The following ZMYM2 variants were observed in gnomAD, a reference collection of about 807,000 sequenced individuals.
The protein encoded by ZMYM2 is zinc finger MYM-type protein 2.
Under a neutral mutation model 162.8 loss-of-function variants are expected in ZMYM2, and 56 were observed. The observed-to-expected ratio is 0.34, with a 90% CI of 0.28 to 0.43. The LOEUF (loss-of-function observed/expected upper bound fraction) is 0.43. ZMYM2 is among the 20% of genes least tolerant of loss of function. The probability of loss-of-function intolerance (pLI) is 1.00; values close to 1 mark genes in which losing one functional copy is unlikely to be tolerated. For missense variants in ZMYM2, 1,275 were observed against 1,621.8 expected (o/e 0.79, Z 3.67); for synonymous variants, 510 against 541.6 (o/e 0.94, Z 0.81).
At chr13:19,954,684 T>C (rs1954477136), upstream of ZMYM2, among the ~76,000 whole-genome samples, 2 of 152,338 alleles carry the variant, frequency 1.3e-5, no homozygotes, top group Middle Eastern at 3.4e-3. Flanking sequence ...TATTTTTGAA[T>C]CCTATGAGAA....
chr13:19,974,893 C>CTTGCTG (rs1213657128), intron 2 of ZMYM2, among the ~76,000 whole-genome samples: 10 of 152,200 alleles, frequency 6.6e-5, no homozygotes, highest in Non-Finnish European at 2.9e-5. Flanking sequence ...GAATAGGAGT[C>CTTGCTG]TTGCTGCATG....
At chr13:20,083,557 C>T (rs1958045663) in intron 23 of ZMYM2, 99 bp from the exon 24 acceptor site, 8 of 917,556 alleles carry the variant, frequency 8.7e-6, no homozygotes, top group Non-Finnish European at 9.6e-6. Context: ...CTCCAAGGGG[C>T]ACCTGGTCCT....
chr13:19,899,672 CG>C, the ZMYM2 span, among the ~76,000 whole-genome samples: 8 of 151,436 alleles, frequency 5.3e-5, no homozygotes, highest in African/African-American at 1.9e-4. Flanking sequence ...AAAAAATTAT[CG>C]GGGCATGGTG....
rs145295235 is a variant in ZMYM2 at position 20,014,355 on chromosome 13, A to T, written c.1513-5192A>T. 3.0e-3 allele frequency among the ~76,000 whole-genome samples: 455 copies of T among 152,274 alleles called. 4 individuals are homozygous for T. Among genetic ancestry groups the T allele is most frequent in the African/African-American group, 0.01 (434 of 41,556 alleles). On this transcript the variant is annotated intron_variant, in intron 6 of 24. Coordinates refer to ENST00000610343, the MANE Select transcript of ZMYM2 (RefSeq NM_197968.4). Reference sequence around the variant, plus strand: ...CCAAAATGTTGGGATTATAGGCATGATCCACTGCACCCGGCCAGGACATTT... The same window carrying T: ...CCAAAATGTTGGGATTATAGGCATGTTCCACTGCACCCGGCCAGGACATTT...
the ZMYM2 span, among the ~76,000 whole-genome samples, chr13:19,925,214 A>G: frequency 1.3e-5 from 2 of 152,304 alleles, no homozygotes; most frequent in South Asian, 2.1e-4. Context: ...TGTTTTCTAT[A>G]GTGGCTGTGC....
At chr13:19,959,393 T>C (rs1954921501) in intron 1 of ZMYM2, among the ~76,000 whole-genome samples, 1 of 152,064 alleles carries the variant, frequency 6.6e-6, no homozygotes, top group South Asian at 2.1e-4. Context: ...TCCTTCGCTC[T>C]TCTTTTCCTC....
chr13:19,975,143 T>G (rs1956671752), intron 2 of ZMYM2, among the ~76,000 whole-genome samples: 1 of 148,690 alleles, frequency 6.7e-6, no homozygotes, highest in African/African-American at 2.5e-5. Context: ...TTGTTTTTGG[T>G]ATTTTTTTCC....
the ZMYM2 span, among the ~76,000 whole-genome samples, chr13:19,885,234 A>C: frequency 6.6e-6 from 1 of 152,188 alleles, no homozygotes; most frequent in Non-Finnish European, 1.5e-5. Flanking sequence ...TGATTGTGCC[A>C]CTGCATTCCA....
chr13:19,968,898 G>A (rs1594072598), intron 2 of ZMYM2, among the ~76,000 whole-genome samples: 1 of 152,160 alleles, frequency 6.6e-6, no homozygotes, highest in African/African-American at 2.4e-5. Flanking sequence ...AGTTCAGAGA[G>A]GTAGTCATAT....
chr13:20,047,368 TC>T (rs1380878349), intron 12 of ZMYM2, among the ~76,000 whole-genome samples: 1 of 152,220 alleles, frequency 6.6e-6, no homozygotes, highest in African/African-American at 2.4e-5. Context: ...TTATGGTTTA[TC>T]TTTTTTTATT....
At chr13:20,004,286 G>A (rs1449848361) in intron 4 of ZMYM2, among the ~76,000 whole-genome samples, 1 of 151,762 alleles carries the variant, frequency 6.6e-6, no homozygotes, top group African/African-American at 2.4e-5. Context: ...ACGGATTCTC[G>A]CTCTGTCGCC....
chr13:19,884,178 G>A, the ZMYM2 span, among the ~76,000 whole-genome samples: 5 of 152,060 alleles, frequency 3.3e-5, no homozygotes, highest in African/African-American at 9.7e-5. Context: ...CAACAGCCAG[G>A]AAACCATACC....
intron 2 of ZMYM2, among the ~76,000 whole-genome samples, chr13:19,992,346 C>A (rs753889934): frequency 1.3e-5 from 2 of 152,038 alleles, no homozygotes; most frequent in South Asian, 4.1e-4. Flanking sequence ...ATCTCTTGAG[C>A]CTAGGAATTT....
At position 20,086,091 on chromosome 13, in the gene ZMYM2, T is replaced by A. The variant is rs983351714; in HGVS notation, c.*77T>A. On this transcript the variant is annotated 3_prime_UTR_variant, in exon 25 of 25. Transcript: ENST00000610343. ...TGCTAGATCTTTATTATGGAAAACA[T>A]TTCAAGTTTACTCCTTCTGTTTTGA... 1.4e-5 allele frequency: 20 copies of A among 1,449,592 alleles called. No homozygotes were observed. Among genetic ancestry groups the A allele is most frequent in the East Asian group, 2.3e-5 (1 of 43,370 alleles). The allele number at this position is 1,449,592 out of a possible 1,614,324, so 89.8% of individuals were successfully genotyped here. A position where few individuals can be genotyped will look rare whatever the true frequency, so the allele number is the denominator to read the frequency against.
chr13:19,971,263 T>TATATATATATATATATATA (rs60439404), intron 2 of ZMYM2, among the ~76,000 whole-genome samples: 24 of 64,430 alleles, frequency 3.7e-4, no homozygotes, highest in Admixed American at 7.7e-4. Flanking sequence ...TATATATATA[T>TATATATATATATATATATA]TTTTTTTTTT....
chr13:19,915,291 C>T, the ZMYM2 span, among the ~76,000 whole-genome samples: 2 of 151,932 alleles, frequency 1.3e-5, no homozygotes, highest in Non-Finnish European at 2.9e-5. Flanking sequence ...AGATAGATCT[C>T]ACTATGTTGG....
At chr13:20,058,969 A>G in intron 15 of ZMYM2, 1 of 528,820 alleles carries the variant, frequency 1.9e-6, no homozygotes, top group Non-Finnish European at 3.5e-6. Flanking sequence ...CCTTGGGGAT[A>G]AGACTACTAA....
chr13:20,025,484 A>T (rs1277693799), intron 7 of ZMYM2: 2 of 164,854 alleles, frequency 1.2e-5, no homozygotes, highest in Non-Finnish European at 2.6e-5. Context: ...AGTTCTCTAC[A>T]AAAAAAATAC....
the ZMYM2 span, among the ~76,000 whole-genome samples, chr13:19,885,896 T>C: frequency 6.9e-4 from 77 of 111,220 alleles, 12 homozygotes; most frequent in African/African-American, 2.4e-3. Flanking sequence ...TATATGTGTA[T>C]ACACATATAT....
Sources: gnomAD v4.1 joint callset for allele counts (sites outside exome capture counted in the v4.1 genomes callset) on GRCh38, gnomAD v4.1.1 for gene constraint, MANE v1.5 for transcripts, NCBI Gene and HGNC (gene_info 2026-07-23, HGNC 2026-07-21) for gene names.